The following ZNF718 variants were observed in gnomAD, a reference collection of about 807,000 sequenced individuals.
The protein encoded by ZNF718 is zinc finger protein 718.
Under a neutral mutation model 2.6 loss-of-function variants are expected in ZNF718, and 3 were observed. The ratio of observed to expected loss-of-function variants is 1.16; its 90% CI spans 0.53 to 3.01. The LOEUF is 3.01. Among genes scored for constraint, ZNF718 ranks in the 30% most tolerant of loss-of-function variants. The pLI, the probability that ZNF718 is intolerant of heterozygous loss-of-function variation, is 0.03. For missense variants in ZNF718, 468 were observed against 230.0 expected, an observed-to-expected ratio of 2.03 and a Z score of -6.69; for synonymous variants, 135 against 77.9, an observed-to-expected ratio of 1.73 and a Z score of -3.86.
intron 3 of ZNF718, among the ~76,000 whole-genome samples, chr4:170,356 G>A (rs1456310795): frequency 6.6e-6 from 1 of 152,088 alleles, no homozygotes; most frequent in African/African-American, 2.4e-5. Flanking sequence ...GAGTATCTTT[G>A]TGGCGATCTC....
chr4:154,031 G>A (rs1213481246), intron 3 of ZNF718, among the ~76,000 whole-genome samples: 1 of 152,026 alleles, frequency 6.6e-6, no homozygotes, highest in Non-Finnish European at 1.5e-5. Flanking sequence ...AAGTCATGGG[G>A]GCAGTTTCCC....
At chr4:190,848 G>A (rs930941970) in intron 3 of ZNF718, among the ~76,000 whole-genome samples, 1 of 152,104 alleles carries the variant, frequency 6.6e-6, no homozygotes, top group South Asian at 2.1e-4. Flanking sequence ...AGACCAGACT[G>A]ACTAACATAG....
rs782286222 is a variant in ZNF718 at position 124,528 on chromosome 4, C to G, written c.-143C>G. ...CTTTTGCTTGTAGCTCCAGCCAGAG[C>G]TCGGTTAGGGCCTCATCGCTCTGCT... is the stretch of plus-strand genomic sequence containing the variant. On this transcript the variant is annotated 5_prime_UTR_variant, in exon 1 of 4. Coordinates refer to ENST00000510175, the MANE Select transcript of ZNF718 (RefSeq NM_001039127.6). 66 of 1,185,174 alleles carry G rather than the reference C, an allele frequency of 5.6e-5. No individual in the cohort carries two copies. The highest frequency in any genetic ancestry group is 7.0e-5 in the Non-Finnish European group (57 of 813,118). 73.4% of individuals were successfully genotyped at this position (1,185,174 alleles called of 1,614,324 possible).
At chr4:143,241 G>A (rs1317522755) in intron 3 of ZNF718, among the ~76,000 whole-genome samples, 1 of 152,208 alleles carries the variant, frequency 6.6e-6, no homozygotes, top group Admixed American at 6.5e-5. Context: ...ACCCAGACTG[G>A]AGTGCAGTGG....
intron 3 of ZNF718, among the ~76,000 whole-genome samples, chr4:179,080 G>C (rs1717405644): frequency 1.3e-5 from 2 of 152,094 alleles, no homozygotes; most frequent in Admixed American, 6.6e-5. Context: ...CAAAGGGAAA[G>C]GTCCAAGTTC....
At chr4:172,543 C>T (rs532623264) in intron 3 of ZNF718, among the ~76,000 whole-genome samples, 36 of 152,100 alleles carry the variant, frequency 2.4e-4, no homozygotes, top group Middle Eastern at 3.4e-3. Context: ...ACTTATTTTA[C>T]GGAGAAAGAT....
rs574345344 is a variant in ZNF718 at position 172,305 on chromosome 4, T to G, written c.227-28776T>G. ...TTTCAAATGACAAGATTTTTTCTCTTTTATTACCAAGTAGTATTTCATTGT... is the reference window on the plus strand; with the variant it reads ...TTTCAAATGACAAGATTTTTTCTCTGTTATTACCAAGTAGTATTTCATTGT... On this transcript the variant is annotated intron_variant and NMD_transcript_variant, in intron 3 of 4. Transcript: ENST00000642529. 3.3e-5 allele frequency among the ~76,000 whole-genome samples: 5 copies of G among 152,336 alleles called. No individual in the cohort carries two copies. In the East Asian group the frequency reaches 9.6e-4, roughly 29 times the overall value.
chr4:133,084 G>A lies in ZNF718; in HGVS notation c.226+1579G>A, dbSNP rs1715385023. 2.2e-5 allele frequency among the ~76,000 whole-genome samples: 2 copies of A among 91,684 alleles called. 1 individual carries two copies. Among genetic ancestry groups the A allele is most frequent in the South Asian group, 6.9e-4 (2 of 2,890 alleles). 60.1% of individuals were successfully genotyped at this position (91,684 alleles called of 152,430 possible). On this transcript the variant is annotated intron_variant, in intron 3 of 3. Transcript: ENST00000510175. Reference sequence around the variant, plus strand: ...CCCAGCTACTTGGGAGGCTGAGGTAGGAGAATTGCTTGACCCCAGGAGGTG... The same window carrying A: ...CCCAGCTACTTGGGAGGCTGAGGTAAGAGAATTGCTTGACCCCAGGAGGTG...
chr4:159,194 C>A (rs1553814387), intron 3 of ZNF718, among the ~76,000 whole-genome samples: 1 of 151,730 alleles, frequency 6.6e-6, no homozygotes, highest in Non-Finnish European at 1.5e-5. Context: ...GTGCACCACA[C>A]CTGGCTAATT....
intron 3 of ZNF718, among the ~76,000 whole-genome samples, chr4:191,535 A>G (rs1268167679): frequency 2.0e-5 from 3 of 152,150 alleles, no homozygotes; most frequent in Non-Finnish European, 4.4e-5. Flanking sequence ...AACATCAAAG[A>G]GGAGAACAAA....
intron 3 of ZNF718, among the ~76,000 whole-genome samples, chr4:137,420 TG>T (rs1209257381): frequency 6.6e-6 from 1 of 152,180 alleles, no homozygotes; most frequent in African/African-American, 2.4e-5. Context: ...ATTTTTTTTT[TG>T]GAGGAACCCC....
At chr4:180,705 G>T (rs1273150479) in intron 3 of ZNF718, among the ~76,000 whole-genome samples, 2 of 152,212 alleles carry the variant, frequency 1.3e-5, no homozygotes, top group Non-Finnish European at 2.9e-5. Context: ...CACTCTAGTT[G>T]GGTGCATCTG....
chr4:143,143 C>G (rs577452168), intron 3 of ZNF718, among the ~76,000 whole-genome samples: 2 of 152,258 alleles, frequency 1.3e-5, no homozygotes, highest in South Asian at 2.1e-4. Context: ...CTCTAAGGCC[C>G]TAAATTTTGG....
chr4:170,880 T>C (rs986615194), intron 3 of ZNF718, among the ~76,000 whole-genome samples: 3 of 152,232 alleles, frequency 2.0e-5, no homozygotes, highest in Non-Finnish European at 4.4e-5. Flanking sequence ...CTTTGTTCCA[T>C]TGCTGGTGAG....
intron 3 of ZNF718, among the ~76,000 whole-genome samples, chr4:133,688 T>G (rs1241472126): frequency 5.9e-5 from 9 of 152,356 alleles, no homozygotes; most frequent in Admixed American, 4.6e-4. Flanking sequence ...GAGTTATGTT[T>G]GCATGACATA....
At chr4:148,004 T>G (rs1218448224) in intron 3 of ZNF718, among the ~76,000 whole-genome samples, 1 of 152,170 alleles carries the variant, frequency 6.6e-6, no homozygotes, top group African/African-American at 2.4e-5. Context: ...AGAGCAGGGT[T>G]GGTCCTTGAT....
chr4:136,213 T>G (rs1303785645), intron 3 of ZNF718, among the ~76,000 whole-genome samples: 2 of 152,162 alleles, frequency 1.3e-5, no homozygotes, highest in Non-Finnish European at 2.9e-5. Flanking sequence ...ATGAATGGGT[T>G]TGGCTTCTAC....
At chr4:126,484 C>T (rs1715226451) in intron 1 of ZNF718, among the ~76,000 whole-genome samples, 2 of 152,178 alleles carry the variant, frequency 1.3e-5, no homozygotes, top group Admixed American at 6.5e-5. Context: ...GAATATATCC[C>T]ACAGTTTCTG....
At chr4:170,152 C>T (rs539624463) in intron 3 of ZNF718, among the ~76,000 whole-genome samples, 1 of 152,154 alleles carries the variant, frequency 6.6e-6, no homozygotes, top group South Asian at 2.1e-4. Flanking sequence ...AAATTCTTTT[C>T]TTTAAGAATG....
Sources: allele counts gnomAD v4.1 joint callset (sites outside exome capture counted in the v4.1 genomes callset), GRCh38; gene constraint gnomAD v4.1.1; transcripts MANE v1.5; gene names NCBI Gene and HGNC (gene_info 2026-07-23, HGNC 2026-07-21).